Variants in SLC1A7 observed in about 807,000 individuals in gnomAD.
SLC1A7 encodes excitatory amino acid transporter 5.
Under a neutral mutation model 47.7 loss-of-function variants are expected in SLC1A7, and 40 were observed. The observed-to-expected ratio is 0.84, with a 90% CI of 0.65 to 1.09. SLC1A7 has a LOEUF of 1.09. SLC1A7 is among the 50% of genes least tolerant of loss of function. The pLI is 0.00. For synonymous variants in SLC1A7, 323 were observed against 325.6 expected (o/e 0.99, Z 0.09); for missense variants, 746 against 769.5 (o/e 0.97, Z 0.36).
chr1:53,140,055 A>G (rs77577223), intron 1 of SLC1A7, among the ~76,000 whole-genome samples: 12,726 of 152,290 alleles, frequency 0.084, 671 homozygotes, highest in African/African-American at 0.15. Flanking sequence ...ATAAGCTTAC[A>G]AAACAAGAAG....
rs138245962 is a variant in SLC1A7 at position 53,097,255 on chromosome 1, C to T, written c.698-3695G>A. 1.0e-4 allele frequency among the ~76,000 whole-genome samples: 15 copies of T among 149,476 alleles called. No homozygotes were observed. In the East Asian group the frequency reaches 1.8e-3, roughly 18 times the overall value. On this transcript the variant is annotated intron_variant, in intron 5 of 10. Coordinates refer to ENST00000371494, the MANE Select transcript of SLC1A7 (RefSeq NM_006671.6). ...CTGCCTCGGTACACTCATTTTTTCT[C>T]GGTACACTCACACACCCCGCCTTGG...
chr1:53,089,743 C>A (rs1416741024), intron 9 of SLC1A7, 57 bp downstream of exon 9: 1 of 1,590,398 alleles, frequency 6.3e-7, no homozygotes, highest in Non-Finnish European at 8.6e-7. Context: ...CTGATCCCTG[C>A]TGACCCTGAA....
At chr1:53,112,581 C>A (rs560318022) in intron 3 of SLC1A7, among the ~76,000 whole-genome samples, 7 of 152,348 alleles carry the variant, frequency 4.6e-5, no homozygotes, top group African/African-American at 1.7e-4. Context: ...TGCTTCTCCA[C>A]AACCTTAAGC....
In SLC1A7 at chr1:53,103,408, G is replaced by C; in HGVS notation, c.635C>G (p.Ser212Ter). 1 of 1,611,678 alleles carries C rather than the reference G, an allele frequency of 6.2e-7. No homozygotes were observed. The highest frequency in any genetic ancestry group is 1.1e-5 in the South Asian group (1 of 90,384). ...LTPPPEVVYK[S>*]EPGTSDGMNV... ...CATGCCATCGCTGGTGCCCGGCTCT[G>C]ACTTGTAAACGACCTCGGGCGGCGG... is the stretch of plus-strand genomic sequence containing the variant. The change falls in exon 5 of 11, where the codon TCA (serine) becomes TGA (stop). Residue 212 changes from serine to a stop codon, truncating the protein, a stop_gained. Transcript: ENST00000371494. LOFTEE classifies it high-confidence loss of function.
chr1:53,123,637 C>T (rs1309444341), intron 2 of SLC1A7, among the ~76,000 whole-genome samples: 2 of 152,186 alleles, frequency 1.3e-5, no homozygotes, highest in Non-Finnish European at 2.9e-5. Flanking sequence ...TCGGGCTGGG[C>T]CTCCCAGAGG....
intron 10 of SLC1A7, 120 bp downstream of exon 10, chr1:53,088,757 C>G: frequency 1.4e-6 from 1 of 735,870 alleles, no homozygotes; most frequent in Non-Finnish European, 2.4e-6. Context: ...GACCGAGGCC[C>G]AGAGGCATGG....
At chr1:53,141,069 C>T (rs1403020586) in intron 1 of SLC1A7, among the ~76,000 whole-genome samples, 1 of 152,196 alleles carries the variant, frequency 6.6e-6, no homozygotes, top group African/African-American at 2.4e-5. Context: ...CTCTCCTTGA[C>T]CACACTTTAG....
intron 3 of SLC1A7, 97 bp from the exon 4 acceptor site, chr1:53,105,871 G>T: frequency 1.0e-6 from 1 of 975,658 alleles, no homozygotes; most frequent in Non-Finnish European, 1.6e-6. Context: ...TCCTTTGGTG[G>T]TCGGGCCTTC....
chr1:53,091,065 G>T, intron 7 of SLC1A7: 1 of 1,035,314 alleles, frequency 9.7e-7, no homozygotes, highest in Non-Finnish European at 1.4e-6. Flanking sequence ...TCACACTGCT[G>T]TGCCGAGGGA....
At chr1:53,092,391 CCACGTCAGT>C (rs2150315199) in intron 7 of SLC1A7, among the ~76,000 whole-genome samples, 154 bp downstream of exon 7, 1 of 152,370 alleles carries the variant, frequency 6.6e-6, no homozygotes, top group East Asian at 1.9e-4. Flanking sequence ...CAAAAGTCCC[CCACGTCAGT>C]CTTGTTACCC....
At chr1:53,089,673 C>T in intron 9 of SLC1A7, 127 bp downstream of exon 9, 1 of 951,306 alleles carries the variant, frequency 1.1e-6, no homozygotes. Context: ...GGCACTCCCA[C>T]AGTGCCAAGC....
intron 5 of SLC1A7, among the ~76,000 whole-genome samples, chr1:53,095,417 TCACA>T (rs1393527398): frequency 1.3e-5 from 2 of 151,490 alleles, no homozygotes; most frequent in Admixed American, 6.6e-5. Flanking sequence ...CTTGGTACAC[TCACA>T]CACCCTGCCT....
At chr1:53,109,895 G>A (rs529304864) in intron 3 of SLC1A7, among the ~76,000 whole-genome samples, 1 of 152,316 alleles carries the variant, frequency 6.6e-6, no homozygotes, top group African/African-American at 2.4e-5. Context: ...AGCAGCAGCT[G>A]AATACAGCGG....
chr1:53,121,770 G>C (rs955283097), intron 2 of SLC1A7, among the ~76,000 whole-genome samples: 29 of 152,242 alleles, frequency 1.9e-4, no homozygotes, highest in African/African-American at 6.8e-4. Flanking sequence ...AGCCGTGGCT[G>C]CACACGTGGG....
At position 53,089,887 on chromosome 1, in the gene SLC1A7, G is replaced by A; in HGVS notation, c.1274C>T (p.Ala425Val). 6.2e-7 allele frequency: 1 copy of A among 1,613,838 alleles called. No homozygotes were observed. Among genetic ancestry groups the A allele is most frequent in the Non-Finnish European group, 8.5e-7 (1 of 1,179,982 alleles). Residue 425 changes from alanine to valine, a missense_variant, in exon 9 of 11, where the codon GCC becomes GTC. Physicochemically the swap from Ala to Val is moderately conservative, Grantham distance 64. Coordinates refer to ENST00000371494, the MANE Select transcript of SLC1A7 (RefSeq NM_006671.6). ...CACGATGACCATGGTGACGAGGCCGGCCTGGGGGATGCCAGCTGCCCCAAT... is the reference window on the plus strand; with the variant it reads ...CACGATGACCATGGTGACGAGGCCGACCTGGGGGATGCCAGCTGCCCCAAT... The part of the protein sequence containing the change: ...ASIGAAGIPQ[A>V]GLVTMVIVLT...
intron 1 of SLC1A7, among the ~76,000 whole-genome samples, chr1:53,137,299 A>AAAAAAAAAAAAAAAAAAAAAAAAAAAAT (rs71044460): frequency 1.4e-5 from 2 of 139,692 alleles, no homozygotes; most frequent in African/African-American, 5.3e-5. Flanking sequence ...AAAAAAAAAA[A>AAAAAAAAAAAAAAAAAAAAAAAAAAAAT]GTGCTCTACT....
intron 2 of SLC1A7, among the ~76,000 whole-genome samples, chr1:53,125,221 A>T (rs1180432880): frequency 6.6e-6 from 1 of 152,250 alleles, no homozygotes; most frequent in Non-Finnish European, 1.5e-5. Context: ...ATGTAATGTG[A>T]GGCAGAATTT....
intron 1 of SLC1A7, among the ~76,000 whole-genome samples, chr1:53,139,110 A>G (rs1269119447): frequency 6.6e-6 from 1 of 152,130 alleles, no homozygotes; most frequent in Non-Finnish European, 1.5e-5. Flanking sequence ...TTCTGCTCGT[A>G]TGTAAGTTTG....
intron 5 of SLC1A7, among the ~76,000 whole-genome samples, chr1:53,096,872 C>T (rs556390429): frequency 8.8e-5 from 13 of 147,266 alleles, no homozygotes; most frequent in South Asian, 4.4e-4. Context: ...CACTTTGCCT[C>T]GATACACTCA....
Sources: allele counts gnomAD v4.1 joint callset (sites outside exome capture counted in the v4.1 genomes callset), GRCh38; gene constraint gnomAD v4.1.1; transcripts MANE v1.5; gene names NCBI Gene and HGNC (gene_info 2026-07-23, HGNC 2026-07-21).